LPCAT2: variants seen among roughly 807,000 people sequenced by gnomAD.
LPCAT2 encodes lysophosphatidylcholine acyltransferase 2, also known as 1-AGP acyltransferase 11.
A neutral mutation model predicts 64.7 loss-of-function variants in LPCAT2; 58 were observed. The ratio of observed to expected loss-of-function variants is 0.90; its 90% CI spans 0.73 to 1.12. The LOEUF is 1.12. Ranked by LOEUF, LPCAT2 falls within the 50% of genes most tolerant of loss-of-function variation. The pLI, the probability that LPCAT2 is intolerant of heterozygous loss-of-function variation, is 0.00. For synonymous variants in LPCAT2, 252 were observed against 245.3 expected, an observed-to-expected ratio of 1.03 and a Z score of -0.26; for missense variants, 579 against 669.8, an observed-to-expected ratio of 0.86 and a Z score of 1.50.
At chr16:55,572,448 A>G (rs4783896) in intron 11 of LPCAT2, among the ~76,000 whole-genome samples, 83,318 of 152,006 alleles carry the variant, frequency 0.55, 23,191 homozygotes, top group East Asian at 0.73. Context: ...ATTGCAGAAG[A>G]AATGTATCTA....
At chr16:55,556,406 CA>C (rs1469735172) in intron 11 of LPCAT2, among the ~76,000 whole-genome samples, 2 of 152,030 alleles carry the variant, frequency 1.3e-5, no homozygotes, top group Non-Finnish European at 2.9e-5. Flanking sequence ...GATTTTTAAT[CA>C]AAATTAAAAA....
chr16:55,523,244 A>G (rs542623832), intron 1 of LPCAT2, among the ~76,000 whole-genome samples: 8 of 151,962 alleles, frequency 5.3e-5, no homozygotes, highest in Admixed American at 1.3e-4. Flanking sequence ...TCAAAGCCAC[A>G]TGAGATATCC....
rs891291340 is a variant in LPCAT2, at chr16:55,585,114, A to T, written c.*2016A>T. 6 of 152,164 alleles carry T rather than the reference A, an allele frequency of 3.9e-5. No individual in the cohort carries two copies. Among genetic ancestry groups the T allele is most frequent in the Admixed American group, 2.6e-4 (4 of 15,266 alleles). The allele number at this position is 152,164 out of a possible 1,614,324, so 9.4% of individuals were successfully genotyped here. Reference sequence around the variant, plus strand: ...TATGCTCTTTATTTCCACTTCTGTGAATGTGATATTTCTATTTTGTGATTA... The same window carrying T: ...TATGCTCTTTATTTCCACTTCTGTGTATGTGATATTTCTATTTTGTGATTA... On this transcript the variant is annotated 3_prime_UTR_variant, in exon 14 of 14. Transcript: ENST00000262134.
chr16:55,543,002 G>A (rs2031382348), intron 8 of LPCAT2, among the ~76,000 whole-genome samples: 1 of 152,112 alleles, frequency 6.6e-6, no homozygotes, highest in African/African-American at 2.4e-5. Context: ...AAAAGATAGT[G>A]GCAATCATGT....
At chr16:55,536,321 C>T (rs1963324044) in intron 7 of LPCAT2, among the ~76,000 whole-genome samples, 1 of 152,134 alleles carries the variant, frequency 6.6e-6, no homozygotes, top group Non-Finnish European at 1.5e-5. Context: ...GTGGACAAGA[C>T]AGGTTAAATG....
chr16:55,526,438 A>G lies in LPCAT2; in HGVS notation c.311+791A>G, dbSNP rs145064483. Among the ~76,000 whole-genome samples, 1,244 of 152,302 alleles carry G rather than the reference A, an allele frequency of 8.2e-3. 9 individuals are homozygous for G. Among genetic ancestry groups the G allele is most frequent in the Middle Eastern group, 0.014 (4 of 294 alleles). Reference sequence around the variant, plus strand: ...TGAAATTGTTGCCAAATTTTTATATATAAGGATATTTTTGTATTTAAATCT... The same window carrying G: ...TGAAATTGTTGCCAAATTTTTATATGTAAGGATATTTTTGTATTTAAATCT... On this transcript the variant is annotated intron_variant, in intron 2 of 13. Coordinates refer to ENST00000262134, the MANE Select transcript of LPCAT2 (RefSeq NM_017839.5).
At chr16:55,550,831 C>T in intron 10 of LPCAT2, 118 bp from the exon 11 acceptor site, 4 of 803,556 alleles carry the variant, frequency 5.0e-6, no homozygotes, top group Non-Finnish European at 7.3e-6. Flanking sequence ...TTCTCCTTTA[C>T]AAATTTAACA....
At chr16:55,528,272 T>C in intron 2 of LPCAT2, 105 bp from the exon 3 acceptor site, 1 of 792,520 alleles carries the variant, frequency 1.3e-6, no homozygotes, top group African/African-American at 1.7e-5. Context: ...TATTTTCATA[T>C]GAAATACTCT....
At chr16:55,560,079 G>A (rs1443298923) in intron 11 of LPCAT2, among the ~76,000 whole-genome samples, 1 of 152,114 alleles carries the variant, frequency 6.6e-6, no homozygotes, top group Non-Finnish European at 1.5e-5. Flanking sequence ...TTAAACTAGA[G>A]CAAGGGAGTA....
chr16:55,537,522 TATAAG>T, intron 7 of LPCAT2, 51 bp from the exon 8 acceptor site: 2 of 1,329,442 alleles, frequency 1.5e-6, no homozygotes, highest in Middle Eastern at 1.9e-4. Context: ...TGTTGAATAA[TATAAG>T]ATGATACTTG....
At chr16:55,516,438 G>A (rs1283212664) in intron 1 of LPCAT2, among the ~76,000 whole-genome samples, 1 of 152,160 alleles carries the variant, frequency 6.6e-6, no homozygotes, top group Non-Finnish European at 1.5e-5. Context: ...TACACAAATA[G>A]GTTGGAAGTA....
At chr16:55,575,678 A>G (rs1253158365) in intron 12 of LPCAT2, among the ~76,000 whole-genome samples, 1 of 152,266 alleles carries the variant, frequency 6.6e-6, no homozygotes, top group East Asian at 1.9e-4. Context: ...ATCTAGAAAG[A>G]CTTTCTTCTT....
In LPCAT2 at chr16:55,522,853, A is replaced by C. The variant is rs1013481785; in HGVS notation, c.172-2655A>C. On this transcript the variant is annotated intron_variant, in intron 1 of 13. Transcript: ENST00000262134. ...TGAAATGTAAAAGTGAAAATCATAC[A>C]GCTTCTAGAAGAAAAAAATATAGAA... Among the ~76,000 whole-genome samples, 6 of 151,750 alleles carry C rather than the reference A, an allele frequency of 4.0e-5. No individual in the cohort carries two copies. In the East Asian group the frequency reaches 9.6e-4, roughly 24 times the overall value.
chr16:55,557,174 A>G (rs1402456074), intron 11 of LPCAT2, among the ~76,000 whole-genome samples: 1 of 152,052 alleles, frequency 6.6e-6, no homozygotes, highest in Non-Finnish European at 1.5e-5. Flanking sequence ...TAGAGAAAAT[A>G]GTCTGGAGAA....
intron 11 of LPCAT2, among the ~76,000 whole-genome samples, chr16:55,559,332 T>C (rs1963609755): frequency 6.6e-6 from 1 of 152,232 alleles, no homozygotes; most frequent in South Asian, 2.1e-4. Flanking sequence ...ACTTTAGCAC[T>C]TTGGCAATCC....
chr16:55,567,384 A>G (rs1375666801), intron 11 of LPCAT2: 3 of 1,613,696 alleles, frequency 1.9e-6, no homozygotes, highest in African/African-American at 1.3e-5. Context: ...TAACAATTTC[A>G]TCAGCTGCTT....
chr16:55,532,648 A>C (rs1963269229), intron 5 of LPCAT2, 176 bp from the exon 6 acceptor site: 1 of 396,570 alleles, frequency 2.5e-6, no homozygotes, highest in Non-Finnish European at 4.7e-6. Context: ...TCTTAATTAA[A>C]AAAAAAAAAT....
At chr16:55,541,334 C>A (rs1200571624) in intron 8 of LPCAT2, 1 of 151,962 alleles carries the variant, frequency 6.6e-6, no homozygotes, top group Admixed American at 6.6e-5. Flanking sequence ...GGAAAGATTG[C>A]AATTAATAAT....
chr16:55,537,678 C>T, intron 8 of LPCAT2, 46 bp downstream of exon 8: 1 of 1,560,560 alleles, frequency 6.4e-7, no homozygotes, highest in Non-Finnish European at 8.8e-7. Context: ...TTTGGCCTTT[C>T]CTTTAATTTT....
Sources: allele counts gnomAD v4.1 joint callset (sites outside exome capture counted in the v4.1 genomes callset), GRCh38; gene constraint gnomAD v4.1.1; transcripts MANE v1.5; gene names NCBI Gene and HGNC (gene_info 2026-07-23, HGNC 2026-07-21).